The following XPO6 variants were observed in gnomAD, a reference collection of about 807,000 sequenced individuals.
XPO6 encodes exportin-6.
A neutral mutation model predicts 130.0 loss-of-function variants in XPO6; 3 were observed. The observed-to-expected ratio is 0.02, with a 90% CI of 0.01 to 0.06. XPO6 has a LOEUF of 0.06. Among genes scored for constraint, XPO6 ranks in the 10% least tolerant of loss-of-function variants. The pLI, the probability that XPO6 is intolerant of heterozygous loss-of-function variation, is 1.00. For synonymous variants in XPO6, 524 were observed against 548.9 expected (o/e 0.95, Z 0.63); for missense variants, 970 against 1,393.0 (o/e 0.70, Z 4.83).
In XPO6 at chr16:28,099,158, C is replaced by A. The variant is rs527713089; in HGVS notation, c.3277-519G>T. ...CCCACGGGGCTCCAGGCCGCCCCTG[C>A]CCCTCGAGAGCCACCCGAGCAGCAG... is the stretch of plus-strand genomic sequence containing the variant. On this transcript the variant is annotated intron_variant, in intron 23 of 23. Transcript: ENST00000304658. 1.1e-4 allele frequency among the ~76,000 whole-genome samples: 16 copies of A among 152,328 alleles called. No individual in the cohort carries two copies. In the South Asian group the frequency reaches 2.3e-3, roughly 22 times the overall value.
At chr16:28,191,797 ACG>A (rs2043790622) in intron 1 of XPO6, among the ~76,000 whole-genome samples, 1 of 152,186 alleles carries the variant, frequency 6.6e-6, no homozygotes, top group Non-Finnish European at 1.5e-5. Flanking sequence ...TATGAAACTG[ACG>A]AACCACTATA....
intron 14 of XPO6, among the ~76,000 whole-genome samples, chr16:28,119,197 T>G (rs957926672): frequency 6.6e-6 from 1 of 151,448 alleles, no homozygotes; most frequent in African/African-American, 2.4e-5. Context: ...TTTTTTTTTT[T>G]TGGTAGGGAC....
intron 1 of XPO6, among the ~76,000 whole-genome samples, chr16:28,191,660 G>A (rs1270836808): frequency 1.3e-5 from 2 of 152,210 alleles, no homozygotes; most frequent in Non-Finnish European, 2.9e-5. Flanking sequence ...CAGGCCACCA[G>A]AGCTCTTGCC....
chr16:28,111,862 T>C lies in XPO6; in HGVS notation c.2296A>G (p.Lys766Glu), dbSNP rs1411549285. ...SALSRDYRNLKPSAVAPQRKM... is the reference protein window; with the variant it reads ...SALSRDYRNLEPSAVAPQRKM... Reference sequence around the variant, plus strand: ...CTCTGTGGGGCAACAGCACTGGGCTTCAGGTTGCGATAGTCCCGGGAGAGT... The same window carrying C: ...CTCTGTGGGGCAACAGCACTGGGCTCCAGGTTGCGATAGTCCCGGGAGAGT... The change falls in exon 17 of 24, where the codon AAG (lysine) becomes GAG (glutamate). Residue 766 changes from lysine to glutamate, a missense_variant. This residue lies in a region of XPO6 where 936 missense variants were observed against 1,306.8 expected (regional missense o/e 0.72). Coordinates refer to ENST00000304658, the MANE Select transcript of XPO6 (RefSeq NM_015171.4). 1.5e-5 allele frequency: 24 copies of C among 1,614,116 alleles called. No individual in the cohort carries two copies. The highest frequency in any genetic ancestry group is 2.0e-5 in the Non-Finnish European group (24 of 1,180,010).
At chr16:28,138,387 T>C (rs1406565285) in intron 9 of XPO6, among the ~76,000 whole-genome samples, 2 of 152,142 alleles carry the variant, frequency 1.3e-5, no homozygotes, top group Non-Finnish European at 2.9e-5. Flanking sequence ...TAAAAGGAAA[T>C]TTAGAGACTT....
intron 10 of XPO6, 119 bp from the exon 11 acceptor site, chr16:28,134,052 T>C: frequency 1.1e-6 from 1 of 945,130 alleles, no homozygotes; most frequent in Non-Finnish European, 1.6e-6. Flanking sequence ...AACCAGGTTA[T>C]CTGGTACTAT....
At chr16:28,125,596 C>G in intron 13 of XPO6, 93 bp downstream of exon 13, 1 of 1,481,116 alleles carries the variant, frequency 6.8e-7, no homozygotes, top group Non-Finnish European at 9.1e-7. Context: ...GGGGCCAGAG[C>G]AGAAGCTATT....
chr16:28,125,914 C>T, intron 12 of XPO6, 66 bp from the exon 13 acceptor site: 1 of 1,552,018 alleles, frequency 6.4e-7, no homozygotes, highest in East Asian at 2.3e-5. Flanking sequence ...CAGATAACAG[C>T]TGGTCCAGCA....
Position 28,101,644 on chromosome 16 carries a change from C to T in XPO6, c.3090G>A (p.Leu1030=). 6.2e-7 allele frequency: 1 copy of T among 1,613,252 alleles called. No homozygotes were observed. Among genetic ancestry groups the T allele is most frequent in the Non-Finnish European group, 8.5e-7 (1 of 1,179,208 alleles). The change falls in exon 23 of 24, where the codon CTG becomes CTA. Residue 1030 remains leucine, a synonymous_variant. Coordinates refer to ENST00000304658, the MANE Select transcript of XPO6 (RefSeq NM_015171.4). The surrounding 1 kb of genome is among the most constrained non-coding windows in gnomAD (Gnocchi z 5.4). The part of the protein sequence containing the change: ...TAMLFQFVNV[L]LQVLVHKSHD... ...GGGACTTGTGGACCAGGACCTGGAG[C>T]AGCACGTTCACAAACTGGAACAGCA...
intron 4 of XPO6, among the ~76,000 whole-genome samples, 150 bp downstream of exon 4, chr16:28,175,742 TTATAAA>T (rs1386359650): frequency 1.3e-5 from 2 of 152,306 alleles, no homozygotes; most frequent in Admixed American, 6.5e-5. Context: ...ACAATATGTC[TTATAAA>T]TATAAAGTGA....
intron 1 of XPO6, among the ~76,000 whole-genome samples, chr16:28,211,011 T>C (rs1329780900): frequency 6.6e-6 from 1 of 152,234 alleles, no homozygotes; most frequent in East Asian, 1.9e-4. Context: ...AACAGAGGGC[T>C]GGTGTGATCA....
intron 1 of XPO6, among the ~76,000 whole-genome samples, chr16:28,199,312 T>C (rs959441608): frequency 6.6e-6 from 1 of 152,184 alleles, no homozygotes; most frequent in African/African-American, 2.4e-5. Flanking sequence ...AAAATGCAGA[T>C]GAATAATTTC....
intron 9 of XPO6, among the ~76,000 whole-genome samples, chr16:28,141,921 C>T (rs2042901709): frequency 6.6e-6 from 1 of 152,254 alleles, no homozygotes; most frequent in Admixed American, 6.5e-5. Context: ...GATCGCGCCA[C>T]TGCGCTCCTG....
At chr16:28,147,700 C>T (rs1301428006) in intron 8 of XPO6, among the ~76,000 whole-genome samples, 1 of 152,348 alleles carries the variant, frequency 6.6e-6, no homozygotes, top group Admixed American at 6.5e-5. Context: ...AATCCCAACA[C>T]TTTGGGAGGC....
intron 1 of XPO6, among the ~76,000 whole-genome samples, chr16:28,186,368 G>GTTTTTT (rs1484551038): frequency 4.8e-5 from 1 of 20,946 alleles, no homozygotes; most frequent in Admixed American, 6.4e-4. Flanking sequence ...TTCTGCCCCA[G>GTTTTTT]TTATTCTTTT....
At chr16:28,206,420 G>C (rs1567654597) in intron 1 of XPO6, among the ~76,000 whole-genome samples, 6 of 152,092 alleles carry the variant, frequency 3.9e-5, no homozygotes, top group Admixed American at 3.9e-4. Flanking sequence ...GGTGGCATGG[G>C]CCTGTAGTCT....
At chr16:28,108,977 C>T (rs2086850525) in intron 17 of XPO6, among the ~76,000 whole-genome samples, 1 of 152,202 alleles carries the variant, frequency 6.6e-6, no homozygotes. Flanking sequence ...AAGGCTCACC[C>T]ACACTGCTGA....
At chr16:28,158,394 C>CA (rs764665726) in intron 6 of XPO6, among the ~76,000 whole-genome samples, 16 of 152,324 alleles carry the variant, frequency 1.1e-4, no homozygotes, top group Non-Finnish European at 1.9e-4. Context: ...AGCTGCCTTT[C>CA]ACTAAGCCAC....
intron 1 of XPO6, among the ~76,000 whole-genome samples, chr16:28,204,031 A>C (rs1412606621): frequency 6.6e-6 from 1 of 152,142 alleles, no homozygotes. Context: ...TGAAACTTCC[A>C]AACTTCTGAA....
Sources: allele counts gnomAD v4.1 joint callset (sites outside exome capture counted in the v4.1 genomes callset), GRCh38; gene constraint gnomAD v4.1.1; regional missense constraint gnomAD v4.1.1; non-coding constraint Gnocchi (gnomAD v3.1); transcripts MANE v1.5; gene names NCBI Gene and HGNC (gene_info 2026-07-23, HGNC 2026-07-21).